OR2L13: variants seen among roughly 807,000 people sequenced by gnomAD.
OR2L13 encodes olfactory receptor family 2 subfamily L member 13.
OR2L13 carries 14 observed loss-of-function variants against 15.3 expected under a neutral mutation model. That is an observed-to-expected ratio of 0.91 (90% CI 0.60 to 1.43). OR2L13 has a LOEUF of 1.43. OR2L13 is among the 40% of genes most tolerant of loss of function. OR2L13 has a pLI of 0.00. For synonymous variants in OR2L13, 152 were observed against 142.9 expected, an observed-to-expected ratio of 1.06 and a Z score of -0.45; for missense variants, 367 against 387.9, an observed-to-expected ratio of 0.95 and a Z score of 0.45.
chr1:248,096,296 G>T (rs1266256621), upstream of OR2L13, among the ~76,000 whole-genome samples: 3 of 151,706 alleles, frequency 2.0e-5, no homozygotes, highest in Non-Finnish European at 2.9e-5. Context: ...GGCAGGAGAA[G>T]GGCGTGAACC....
the OR2L13 span, among the ~76,000 whole-genome samples, chr1:247,953,403 ACT>A: frequency 2.0e-5 from 3 of 152,004 alleles, no homozygotes; most frequent in South Asian, 2.1e-4. Flanking sequence ...CATAACATAG[ACT>A]CTGTGCATTT....
the OR2L13 span, among the ~76,000 whole-genome samples, chr1:248,001,721 A>G: frequency 1.3e-5 from 2 of 149,518 alleles, no homozygotes; most frequent in African/African-American, 4.8e-5. Context: ...TTTAAATAAT[A>G]TTATATAATA....
chr1:247,946,538 G>C, the OR2L13 span, among the ~76,000 whole-genome samples: 684 of 152,136 alleles, frequency 4.5e-3, 8 homozygotes, highest in African/African-American at 0.016. Flanking sequence ...CAGACCACAG[G>C]GTAAAATGTT....
chr1:248,059,770 T>TG, the OR2L13 span, among the ~76,000 whole-genome samples: 57 of 152,250 alleles, frequency 3.7e-4, 1 homozygote, highest in East Asian at 2.9e-3. Flanking sequence ...ATGGGTTGGG[T>TG]GGGGAAGCTC....
the OR2L13 span, chr1:248,039,915 C>T: frequency 1.3e-5 from 2 of 152,084 alleles, no homozygotes; most frequent in Non-Finnish European, 2.9e-5. Flanking sequence ...GCCAATTTGG[C>T]TTTAGAAAAA....
the OR2L13 span, among the ~76,000 whole-genome samples, chr1:248,080,709 C>T: frequency 3.3e-5 from 5 of 152,168 alleles, 1 homozygote; most frequent in Non-Finnish European, 7.3e-5. Context: ...CAAGTCTTTG[C>T]TATTGGGAAT....
chr1:248,004,328 T>G, the OR2L13 span, among the ~76,000 whole-genome samples: 11 of 152,358 alleles, frequency 7.2e-5, no homozygotes, highest in South Asian at 2.3e-3. Flanking sequence ...TGTTTGTTTT[T>G]AGTTATGCAG....
At chr1:247,957,366 T>C in the OR2L13 span, among the ~76,000 whole-genome samples, 1 of 152,180 alleles carries the variant, frequency 6.6e-6, no homozygotes, top group East Asian at 1.9e-4. Context: ...TGAGGATTTT[T>C]GCGTCGATGT....
the OR2L13 span, chr1:247,975,197 C>A: frequency 2.5e-6 from 1 of 393,890 alleles, no homozygotes; most frequent in South Asian, 2.1e-5. Context: ...TGGGCTCTAT[C>A]GACACTTGTG....
the OR2L13 span, among the ~76,000 whole-genome samples, chr1:248,076,498 C>T: frequency 0.15 from 22,924 of 151,980 alleles, 3,291 homozygotes; most frequent in African/African-American, 0.38. Context: ...TTCTTCCACT[C>T]GTTTTTGTCC....
chr1:247,961,846 A>G, the OR2L13 span, among the ~76,000 whole-genome samples: 1 of 152,170 alleles, frequency 6.6e-6, no homozygotes, highest in Admixed American at 6.5e-5. Context: ...CACTTTGGCA[A>G]AGGCCAAAAA....
At chr1:248,088,119 A>G in the OR2L13 span, among the ~76,000 whole-genome samples, 2 of 152,190 alleles carry the variant, frequency 1.3e-5, no homozygotes, top group East Asian at 3.8e-4. Flanking sequence ...TTTAAATACC[A>G]TACCTATATT....
At chr1:248,017,718 C>T in the OR2L13 span, among the ~76,000 whole-genome samples, 11,546 of 151,988 alleles carry the variant, frequency 0.076, 535 homozygotes, top group East Asian at 0.15. Context: ...CTGGCACCAT[C>T]GCAGGCAGAG....
the OR2L13 span, among the ~76,000 whole-genome samples, chr1:248,018,133 C>T: frequency 0.049 from 7,242 of 147,552 alleles, 404 homozygotes; most frequent in African/African-American, 0.15. Context: ...CCAGCCTAGG[C>T]GACAGAGCGA....
the OR2L13 span, among the ~76,000 whole-genome samples, chr1:247,983,926 G>A: frequency 1.2e-4 from 18 of 152,172 alleles, no homozygotes; most frequent in Non-Finnish European, 2.2e-4. Context: ...GGGTCTTGGC[G>A]TGAATGACAT....
the OR2L13 span, chr1:248,003,942 A>G: frequency 1.2e-6 from 2 of 1,613,286 alleles, no homozygotes; most frequent in Non-Finnish European, 1.7e-6. Context: ...ACAGAGGACA[A>G]GGTTCTGGCT....
At chr1:247,966,250 C>G in the OR2L13 span, 1 of 1,612,892 alleles carries the variant, frequency 6.2e-7, no homozygotes, top group Admixed American at 1.7e-5. Flanking sequence ...TATCTACAGC[C>G]TGAGAAATAA....
At chr1:248,027,191 A>T in the OR2L13 span, among the ~76,000 whole-genome samples, 1 of 152,182 alleles carries the variant, frequency 6.6e-6, no homozygotes, top group African/African-American at 2.4e-5. Flanking sequence ...TAAGGGACGA[A>T]ATAAGCCCCA....
At chr1:247,965,250 T>TA in the OR2L13 span, 1 of 1,142,276 alleles carries the variant, frequency 8.8e-7, no homozygotes, top group East Asian at 2.7e-5. Flanking sequence ...AACATGTAGA[T>TA]AGTTGCCAAA....
Sources: allele counts gnomAD v4.1 joint callset (sites outside exome capture counted in the v4.1 genomes callset), GRCh38; gene constraint gnomAD v4.1.1; transcripts MANE v1.5; gene names NCBI Gene and HGNC (gene_info 2026-07-23, HGNC 2026-07-21).